Variants in IMMP2L observed in about 807,000 individuals in gnomAD.
IMMP2L encodes the protein mitochondrial inner membrane protease subunit 2.
Under a neutral mutation model 19.3 loss-of-function variants are expected in IMMP2L, and 18 were observed. The observed-to-expected ratio is 0.93, with a 90% CI of 0.64 to 1.38. IMMP2L has a LOEUF of 1.38. Among genes scored for constraint, IMMP2L ranks in the 40% most tolerant of loss-of-function variants. IMMP2L has a pLI of 0.00. For missense variants in IMMP2L, 233 were observed against 218.2 expected (o/e 1.07, Z -0.43); for synonymous variants, 76 against 73.0 (o/e 1.04, Z -0.21).
chr7:110,740,349 G>A (rs1467842956), intron 5 of IMMP2L, among the ~76,000 whole-genome samples: 1 of 152,044 alleles, frequency 6.6e-6, no homozygotes, highest in Non-Finnish European at 1.5e-5. Flanking sequence ...AGAAGACAGA[G>A]ATCCAAATAA....
At chr7:111,330,812 G>C (rs1366700170) in intron 3 of IMMP2L, among the ~76,000 whole-genome samples, 1 of 151,696 alleles carries the variant, frequency 6.6e-6, no homozygotes, top group Non-Finnish European at 1.5e-5. Flanking sequence ...ATGTCCAGCA[G>C]ACATATGAAA....
chr7:110,825,385 C>T (rs192545404), intron 5 of IMMP2L, among the ~76,000 whole-genome samples: 1 of 152,216 alleles, frequency 6.6e-6, no homozygotes, highest in African/African-American at 2.4e-5. Flanking sequence ...CCAAGTCAAT[C>T]CTAAGCCAAA....
chr7:110,665,985 C>A (rs1029977600), intron 5 of IMMP2L, among the ~76,000 whole-genome samples: 2 of 151,904 alleles, frequency 1.3e-5, no homozygotes, highest in African/African-American at 4.8e-5. Context: ...GCATTGTTCT[C>A]TTAAAAAAAA....
intron 4 of IMMP2L, among the ~76,000 whole-genome samples, chr7:110,959,891 T>G (rs1040841086): frequency 6.6e-6 from 1 of 151,974 alleles, no homozygotes; most frequent in African/African-American, 2.4e-5. Context: ...GTTTCTGCTG[T>G]AAACCCAATA....
At chr7:110,998,427 C>A (rs2129560750) in intron 3 of IMMP2L, among the ~76,000 whole-genome samples, 1 of 152,292 alleles carries the variant, frequency 6.6e-6, no homozygotes, top group African/African-American at 2.4e-5. Context: ...ATAGAGTTTT[C>A]TAGCACAAGG....
chr7:110,884,031 T>C (rs1232826320), intron 5 of IMMP2L, among the ~76,000 whole-genome samples: 2 of 152,206 alleles, frequency 1.3e-5, no homozygotes, highest in East Asian at 1.9e-4. Flanking sequence ...GCATTTTTAA[T>C]TGAAGAGTCA....
chr7:111,504,008 T>C (rs1293467927), intron 2 of IMMP2L, among the ~76,000 whole-genome samples: 1 of 152,004 alleles, frequency 6.6e-6, no homozygotes, highest in African/African-American at 2.4e-5. Flanking sequence ...GGGTATTCAA[T>C]TAGGAAAAGA....
chr7:110,918,732 G>A (rs1266298040), intron 4 of IMMP2L, among the ~76,000 whole-genome samples: 1 of 151,906 alleles, frequency 6.6e-6, no homozygotes, highest in Non-Finnish European at 1.5e-5. Flanking sequence ...GAGATTAAAG[G>A]CGTGAGCCAC....
At chr7:111,357,073 T>G (rs964800791) in intron 3 of IMMP2L, among the ~76,000 whole-genome samples, 3 of 152,144 alleles carry the variant, frequency 2.0e-5, no homozygotes, top group African/African-American at 7.2e-5. Context: ...ACTGGTACAG[T>G]ACTTTATAAA....
intron 1 of IMMP2L, among the ~76,000 whole-genome samples, chr7:111,546,225 C>CTA (rs1047619958): frequency 2.0e-4 from 30 of 152,046 alleles, no homozygotes; most frequent in African/African-American, 7.0e-4. Context: ...AACTTAAATG[C>CTA]TATATATATT....
intron 5 of IMMP2L, among the ~76,000 whole-genome samples, chr7:110,814,054 G>T (rs1161122402): frequency 1.3e-5 from 2 of 151,850 alleles, no homozygotes; most frequent in African/African-American, 4.8e-5. Context: ...ATGAAACAGA[G>T]AACACTCTTG....
chr7:111,123,295 A>G lies in IMMP2L; in HGVS notation c.240-159730T>C, dbSNP rs1800875996. 6.2e-7 allele frequency: 1 copy of G among 1,613,742 alleles called. No individual in the cohort carries two copies. Among genetic ancestry groups the G allele is most frequent in the Admixed American group, 1.7e-5 (1 of 59,938 alleles). Reference sequence around the variant, plus strand: ...TCTTCGACTTCATCTCAATTCAAATAGATTGCAGATGATCAACAGTAAGTG... The same window carrying G: ...TCTTCGACTTCATCTCAATTCAAATGGATTGCAGATGATCAACAGTAAGTG... On this transcript the variant is annotated intron_variant, in intron 3 of 5. Transcript: ENST00000405709. This position sits in a 1 kb window ranked among gnomAD's most constrained non-coding sequence, Gnocchi z 6.4.
Position 110,924,410 on chromosome 7 carries a change from G to A in IMMP2L, c.306-37715C>T, listed in dbSNP as rs1814628628. Among the ~76,000 whole-genome samples, 1 of 152,086 alleles carries A rather than the reference G, an allele frequency of 6.6e-6. No homozygotes were observed. The highest frequency in any genetic ancestry group is 1.5e-5 in the Non-Finnish European group (1 of 68,014). ...ACCTTTGCCAACGGAGTCCTGCAAT[G>A]ACATACCAGACTCATTAAAGGGGCC... On this transcript the variant is annotated intron_variant, in intron 4 of 5. Transcript: ENST00000405709. This position sits in a 1 kb window ranked among gnomAD's most constrained non-coding sequence, Gnocchi z 4.2.
intron 5 of IMMP2L, among the ~76,000 whole-genome samples, chr7:110,750,727 A>C (rs545474121): frequency 6.6e-6 from 1 of 152,136 alleles, no homozygotes; most frequent in South Asian, 2.1e-4. Flanking sequence ...TGCTTCCCAA[A>C]TACTGTATTT....
At chr7:111,192,380 C>A (rs1316450143) in intron 3 of IMMP2L, among the ~76,000 whole-genome samples, 1 of 151,994 alleles carries the variant, frequency 6.6e-6, no homozygotes, top group African/African-American at 2.4e-5. Context: ...CAATTAGTTT[C>A]AAAAAATTTT....
chr7:111,161,224 T>C (rs899238666), intron 3 of IMMP2L, among the ~76,000 whole-genome samples: 1 of 151,894 alleles, frequency 6.6e-6, no homozygotes, highest in Non-Finnish European at 1.5e-5. Context: ...GGAGGAGTGA[T>C]TTATTTCCCA....
At chr7:111,112,193 C>T (rs973813941) in intron 3 of IMMP2L, among the ~76,000 whole-genome samples, 14 of 151,894 alleles carry the variant, frequency 9.2e-5, no homozygotes, top group African/African-American at 3.4e-4. Flanking sequence ...GAACTCCTGA[C>T]CTCAGGTATA....
intron 3 of IMMP2L, chr7:111,124,433 G>A (rs1161182636): frequency 1.1e-5 from 17 of 1,613,552 alleles, no homozygotes; most frequent in Non-Finnish European, 1.4e-5. Context: ...AGTGTTAAAT[G>A]GACAGCCTTT....
intron 3 of IMMP2L, among the ~76,000 whole-genome samples, chr7:111,287,088 A>G (rs888819932): frequency 3.3e-5 from 5 of 152,148 alleles, no homozygotes; most frequent in Admixed American, 2.6e-4. Context: ...GATTTTAGAG[A>G]AGGTGCTATG....
Sources: gnomAD v4.1 joint callset for allele counts (sites outside exome capture counted in the v4.1 genomes callset) on GRCh38, gnomAD v4.1.1 for gene constraint, Gnocchi (gnomAD v3.1) non-coding constraint, MANE v1.5 for transcripts, NCBI Gene and HGNC (gene_info 2026-07-23, HGNC 2026-07-21) for gene names.